Variants in HLA-F observed in about 807,000 individuals in gnomAD.
The protein encoded by HLA-F is HLA class I histocompatibility antigen, alpha chain F.
A neutral mutation model predicts 49.5 loss-of-function variants in HLA-F; 46 were observed. The observed-to-expected ratio is 0.93, with a 90% confidence interval of 0.73 to 1.19. The LOEUF is 1.19. Among genes scored for constraint, HLA-F ranks in the 50% most tolerant of loss-of-function variants. The probability of loss-of-function intolerance (pLI) is 0.00; values close to 1 mark genes in which losing one functional copy is unlikely to be tolerated. For synonymous variants in HLA-F, 203 were observed against 233.5 expected (o/e 0.87, Z 1.19); for missense variants, 496 against 579.6 (o/e 0.86, Z 1.48).
In HLA-F at chr6:29,725,230, G is replaced by A. The variant is rs1210368036; in HGVS notation, c.810G>A (p.Val270=). Residue 270 remains valine, a synonymous_variant, in exon 4 of 7, where the codon GTG becomes GTA. Transcript: ENST00000259951. The part of the protein sequence containing the change: ...GTFQKWAAVV[V]PPGEEQRYTC... ...TCCAGAAGTGGGCCGCTGTGGTGGT[G>A]CCTCCTGGAGAGGAACAGAGATACA... is the stretch of plus-strand genomic sequence containing the variant. The A allele has an allele frequency of 1.9e-6, 3 of 1,613,450 alleles. No individual in the cohort carries two copies. The South Asian group carries it at 3.3e-5, about 18-fold the overall frequency.
At chr6:29,730,981 A>G (rs1206091096), downstream of HLA-F, among the ~76,000 whole-genome samples, 2 of 151,994 alleles carry the variant, frequency 1.3e-5, no homozygotes, top group Admixed American at 1.3e-4. Flanking sequence ...GGGGGTCCAC[A>G]TGGCTCACTC....
Position 29,725,581 on chromosome 6 carries a change from G to A in HLA-F, c.1003+18G>A, listed in dbSNP as rs1775955987. 1 of 1,603,952 alleles carries A rather than the reference G, an allele frequency of 6.2e-7. No homozygotes were observed. The highest frequency in any genetic ancestry group is 2.2e-5 in the East Asian group (1 of 44,840). On this transcript the variant is annotated intron_variant, in intron 5 of 6. Coordinates refer to ENST00000259951, the MANE Select transcript of HLA-F (RefSeq NM_001098479.2). ...GAGCTCAGGTAGGAAGGGGTGAGGA[G>A]TGGAGTCTGAGTTTTCTTGTCCCAC...
At chr6:29,727,318 A>G (rs1776205122), downstream of HLA-F, 2 of 544,396 alleles carry the variant, frequency 3.7e-6, no homozygotes, top group Non-Finnish European at 6.2e-6. Context: ...TTTATGTTCA[A>G]ATATCTCCAC....
At chr6:29,724,882 TC>T (rs1439740951) in intron 3 of HLA-F, 148 bp from the exon 4 acceptor site, 5 of 925,992 alleles carry the variant, frequency 5.4e-6, no homozygotes, top group Non-Finnish European at 6.6e-6. Flanking sequence ...TAGGAGATTT[TC>T]CCAGGTGTCT....
At position 29,723,724 on chromosome 6, in the gene HLA-F, TCGCCG is replaced by T. The variant is rs1402347248; in HGVS notation, c.132_136del (p.Ala45GlyfsTer49). 4 of 1,612,012 alleles carry T rather than the reference TCGCCG, an allele frequency of 2.5e-6. No individual in the cohort carries two copies. Among genetic ancestry groups the T allele is most frequent in the Non-Finnish European group, 3.4e-6 (4 of 1,179,870 alleles). On this transcript the variant is annotated frameshift_variant, in exon 2 of 7. Coordinates refer to ENST00000259951, the MANE Select transcript of HLA-F (RefSeq NM_001098479.2). LOFTEE classifies it high-confidence loss of function. ...CCCGGCCGCGGGGAGCCCCGCTACA[TCGCCG>T]TGGAGTACGTAGACGACACGCAATT...
At chr6:29,734,324 G>T (rs1776880651) in intron 3 of HLA-F, among the ~76,000 whole-genome samples, 1 of 152,166 alleles carries the variant, frequency 6.6e-6, no homozygotes, top group Non-Finnish European at 1.5e-5. Context: ...TCCTTTTTAG[G>T]AAAGCAAATG....
chr6:29,736,395 A>G, intron 3 of HLA-F: 1 of 453,710 alleles, frequency 2.2e-6, no homozygotes, highest in South Asian at 1.6e-5. Flanking sequence ...TAATAATTGG[A>G]CTAATTTTTT....
chr6:29,735,181 G>GCACACACACACACACA, intron 3 of HLA-F: 1 of 144,128 alleles, frequency 6.9e-6, no homozygotes, highest in Admixed American at 7.0e-5. Flanking sequence ...ATATATATAT[G>GCACACACACACACACA]CACACACACA....
chr6:29,726,007 A>T lies in HLA-F; in HGVS notation c.1004-4A>T. 1 of 1,614,054 alleles carries T rather than the reference A, an allele frequency of 6.2e-7. No individual in the cohort carries two copies. Among genetic ancestry groups the T allele is most frequent in the Non-Finnish European group, 8.5e-7 (1 of 1,179,928 alleles). On this transcript the variant is annotated splice_polypyrimidine_tract_variant and splice_region_variant and intron_variant, in intron 5 of 6. Transcript: ENST00000259951. ...GCCTCTCACAGGACATTTTCTTCCC[A>T]TAGATAGAAACAGAGGGAGCTACTC...
downstream of HLA-F, among the ~76,000 whole-genome samples, chr6:29,731,227 G>GGATGGATAGAT (rs1212859904): frequency 0.065 from 8,536 of 131,294 alleles, 344 homozygotes; most frequent in East Asian, 0.13. Context: ...TAGAGTAGAT[G>GGATGGATAGAT]GATACATAGA....
Position 29,724,249 on chromosome 6 carries a change from C to A in HLA-F, c.411C>A (p.His137Gln), listed in dbSNP as rs546332495. 12 of 1,613,256 alleles carry A rather than the reference C, an allele frequency of 7.4e-6. No individual in the cohort carries two copies. In the South Asian group the frequency reaches 1.2e-4, roughly 16 times the overall value. ...DGRLLRGYHQ[H>Q]AYDGKDYISL... Reference sequence around the variant, plus strand: ...GCCTCCTCCGCGGGTATCACCAGCACGCGTACGACGGCAAGGATTACATCT... The same window carrying A: ...GCCTCCTCCGCGGGTATCACCAGCAAGCGTACGACGGCAAGGATTACATCT... Residue 137 changes from histidine (H) to glutamine (Q), a missense_variant, in exon 3 of 7, where the codon CAC (histidine) becomes CAA (glutamine). His to Gln is a conservative substitution (Grantham distance 24). Transcript: ENST00000259951.
downstream of HLA-F, among the ~76,000 whole-genome samples, chr6:29,730,307 A>G (rs1776460809): frequency 6.6e-6 from 1 of 152,218 alleles, no homozygotes; most frequent in Admixed American, 6.5e-5. Context: ...AAAGACAAAT[A>G]TAATATTTCA....
Position 29,727,208 on chromosome 6 carries a change from A to T in HLA-F, c.*33A>T. On this transcript the variant is annotated 3_prime_UTR_variant, in exon 7 of 7. Coordinates refer to ENST00000259951, the MANE Select transcript of HLA-F (RefSeq NM_001098479.2). ...TAAAGTAAGTTGCAAGACCCATGAT[A>T]CTAGACCACTAAATACTTCATCACA... is the stretch of plus-strand genomic sequence containing the variant. The T allele has an allele frequency of 7.3e-7, 1 of 1,373,312 alleles. No homozygotes were observed. Among genetic ancestry groups the T allele is most frequent in the Non-Finnish European group, 1.0e-6 (1 of 1,000,828 alleles). The allele number at this position is 1,373,312 out of a possible 1,614,324, so 85.1% of individuals were successfully genotyped here.
At position 29,723,939 on chromosome 6, in the gene HLA-F, C is replaced by T; in HGVS notation, c.334+12C>T. The T allele has an allele frequency of 1.3e-6, 2 of 1,584,112 alleles. No individual in the cohort carries two copies. The highest frequency in any genetic ancestry group is 1.8e-5 in the Admixed American group (1 of 56,370). Reference sequence around the variant, plus strand: ...CCAGAGCGAGGCTGGTGAGTGAACCCGGCCGGGGGCGCAGGTCACGACCAC... The same window carrying T: ...CCAGAGCGAGGCTGGTGAGTGAACCTGGCCGGGGGCGCAGGTCACGACCAC... On this transcript the variant is annotated intron_variant, in intron 2 of 6. Transcript: ENST00000259951.
rs1318619028 is a variant in HLA-F, at chr6:29,737,268, C to T, written c.404-854C>T. ...CCTGAATAGACGCAAACCTCTATAA[C>T]AAACTACCAATTTACAGAAAATACA... On this transcript the variant is annotated intron_variant, in intron 3 of 4. Coordinates refer to the HLA-F transcript ENST00000465459. Among the ~76,000 whole-genome samples, 5 of 97,930 alleles carry T rather than the reference C, an allele frequency of 5.1e-5. No homozygotes were observed. In the East Asian group the frequency reaches 9.1e-4, roughly 18 times the overall value. 64.2% of individuals were successfully genotyped at this position (97,930 alleles called of 152,430 possible). A position where few individuals can be genotyped will look rare whatever the true frequency, so the allele number is the denominator to read the frequency against.
At chr6:29,738,132 T>A (rs1395836364) in exon 4 of HLA-F, 1 of 152,268 alleles carries the variant, frequency 6.6e-6, no homozygotes, top group African/African-American at 2.4e-5. Flanking sequence ...GAAAGTTGAC[T>A]CATACTGGTG....
In HLA-F at chr6:29,725,489, C is replaced by G; in HGVS notation, c.929C>G (p.Ala310Gly). The G allele has an allele frequency of 6.2e-7, 1 of 1,614,204 alleles. No individual in the cohort carries two copies. Among genetic ancestry groups the G allele is most frequent in the Non-Finnish European group, 8.5e-7 (1 of 1,180,016 alleles). The change falls in exon 5 of 7, where the codon GCT becomes GGT. Residue 310 changes from alanine to glycine, a missense_variant. Physicochemically the swap from Ala to Gly is moderately conservative, Grantham distance 60. Coordinates refer to ENST00000259951, the MANE Select transcript of HLA-F (RefSeq NM_001098479.2). ...ACCATCCCCATCGTGGGCATCGTTGCTGGCCTTGTTGTCCTTGGAGCTGTG... is the reference window on the plus strand; with the variant it reads ...ACCATCCCCATCGTGGGCATCGTTGGTGGCCTTGTTGTCCTTGGAGCTGTG... ...QPTIPIVGIV[A>G]GLVVLGAVVT...
At chr6:29,724,078 C>T (rs1207740965) in intron 2 of HLA-F, 95 bp from the exon 3 acceptor site, 2 of 1,561,596 alleles carry the variant, frequency 1.3e-6, no homozygotes, top group Admixed American at 3.8e-5. Context: ...GGCGCCTTTA[C>T]CCAGGTTCAT....
chr6:29,723,927 G>A lies in HLA-F; in HGVS notation c.334G>A (p.Gly112Arg). 6.3e-7 allele frequency: 1 copy of A among 1,593,380 alleles called. No individual in the cohort carries two copies. The highest frequency in any genetic ancestry group is 1.1e-5 in the South Asian group (1 of 88,542). The change falls in exon 2 of 7, where the codon GGG (glycine) becomes AGG (arginine). Residue 112 changes from glycine to arginine, a missense_variant and splice_region_variant. Transcript: ENST00000259951. ...LLRRYNQSEAGSHTLQGMNGC... is the reference protein window; with the variant it reads ...LLRRYNQSEARSHTLQGMNGC... ...CCGCCGCTACAACCAGAGCGAGGCT[G>A]GTGAGTGAACCCGGCCGGGGGCGCA... is the stretch of plus-strand genomic sequence containing the variant.
Sources: allele counts gnomAD v4.1 joint callset (sites outside exome capture counted in the v4.1 genomes callset), GRCh38; gene constraint gnomAD v4.1.1; transcripts MANE v1.5; gene names NCBI Gene and HGNC (gene_info 2026-07-23, HGNC 2026-07-21).